The following VAV2 variants were observed in gnomAD, a reference collection of about 807,000 sequenced individuals.
VAV2 encodes vav guanine nucleotide exchange factor 2, also known as guanine nucleotide exchange factor VAV2.
A neutral mutation model predicts 132.5 loss-of-function variants in VAV2; 67 were observed. The ratio of observed to expected loss-of-function variants is 0.51; its 90% confidence interval spans 0.42 to 0.62. VAV2 has a LOEUF of 0.62. VAV2 is among the 20% of genes least tolerant of loss of function. The probability of loss-of-function intolerance (pLI) is 0.00; values close to 1 mark genes in which losing one functional copy is unlikely to be tolerated. For synonymous variants in VAV2, 492 were observed against 443.5 expected (o/e 1.11, Z -1.37); for missense variants, 938 against 1,153.6 (o/e 0.81, Z 2.71).
At chr9:133,838,436 T>C (rs1369609846) in intron 3 of VAV2, among the ~76,000 whole-genome samples, 2 of 127,686 alleles carry the variant, frequency 1.6e-5, no homozygotes, top group Non-Finnish European at 3.3e-5. Context: ...TGTGGATGGA[T>C]GAATGGATGG....
intron 2 of VAV2, among the ~76,000 whole-genome samples, chr9:133,904,563 C>T (rs1588345219): frequency 2.0e-5 from 3 of 152,390 alleles, no homozygotes; most frequent in East Asian, 1.9e-4. Context: ...CGAGCCCAAA[C>T]GTGGGCACCA....
intron 4 of VAV2, among the ~76,000 whole-genome samples, chr9:133,818,006 A>C (rs1835628603): frequency 6.6e-6 from 1 of 152,098 alleles, no homozygotes; most frequent in African/African-American, 2.4e-5. Flanking sequence ...AGACCAAGTA[A>C]AGATTTACCC....
At chr9:133,899,117 G>C (rs955208495) in intron 2 of VAV2, among the ~76,000 whole-genome samples, 1 of 150,224 alleles carries the variant, frequency 6.7e-6, no homozygotes, top group Non-Finnish European at 1.5e-5. Flanking sequence ...CACCGCGCCA[G>C]GCCCAGACCC....
intron 5 of VAV2, among the ~76,000 whole-genome samples, chr9:133,811,249 G>A (rs191410559): frequency 2.2e-4 from 34 of 152,338 alleles, no homozygotes; most frequent in Admixed American, 1.6e-3. Flanking sequence ...CCCCAGCCCT[G>A]CACCTGCCTG....
rs1285163781 is a variant in VAV2 at position 133,796,522 on chromosome 9, C to T, written c.939G>A (p.Glu313=). 2.5e-6 allele frequency: 4 copies of T among 1,613,200 alleles called. No homozygotes were observed. The highest frequency in any genetic ancestry group is 3.4e-6 in the Non-Finnish European group (4 of 1,179,726). ...TTCCATCCTGGACCTTCAGTGTGCACTCCTGGGAGGGCGACAGGGCGATGG... is the reference window on the plus strand; with the variant it reads ...TTCCATCCTGGACCTTCAGTGTGCATTCCTGGGAGGGCGACAGGGCGATGG... ...SREDFRQKVE[E]CTLKVQDGKF... is the part of the protein sequence containing the mutation. Residue 313 remains glutamate (E), a splice_region_variant and synonymous_variant, in exon 11 of 30, where the codon GAG becomes GAA. Transcript: ENST00000371850.
rs1442804303 is a variant in VAV2, at chr9:133,991,081, G to A, written c.204+994C>T. On this transcript the variant is annotated intron_variant, in intron 1 of 29. Transcript: ENST00000371850. The surrounding 1 kb of genome is among the most constrained non-coding windows in gnomAD (Gnocchi z 4.8). ...CACGTCCTAAGTCCCACTGGTGAAT[G>A]GTCCCTCTCCACATGGAGTTGCCAC... Among the ~76,000 whole-genome samples, 1 of 152,154 alleles carries A rather than the reference G, an allele frequency of 6.6e-6. No individual in the cohort carries two copies. The highest frequency in any genetic ancestry group is 1.9e-4 in the East Asian group (1 of 5,180).
intron 3 of VAV2, among the ~76,000 whole-genome samples, chr9:133,848,279 C>CAAAAAAA (rs34908811): frequency 8.2e-5 from 4 of 48,626 alleles, no homozygotes; most frequent in African/African-American, 1.9e-4. Flanking sequence ...GACTCCGTCT[C>CAAAAAAA]AAAAAAAAAA....
rs78186544 is a variant in VAV2 at position 133,909,889 on chromosome 9, T to C, written c.321+29214A>G. 7.9e-3 allele frequency among the ~76,000 whole-genome samples: 1,197 copies of C among 152,300 alleles called. 20 individuals carry two copies. Among genetic ancestry groups the C allele is most frequent in the African/African-American group, 0.027 (1,120 of 41,556 alleles). ...AAGGATGAGCCTGCCACTCACTCTC[T>C]GTCCTTCGCTTGGCTGCTCACAGGG... On this transcript the variant is annotated intron_variant, in intron 2 of 29. Transcript: ENST00000371850.
At chr9:133,900,766 G>GATTTATTTATTT (rs10538806) in intron 2 of VAV2, among the ~76,000 whole-genome samples, 13 of 145,602 alleles carry the variant, frequency 8.9e-5, no homozygotes, top group African/African-American at 2.6e-4. Context: ...CTCCTGTCTT[G>GATTTATTTATTT]ATTTATTTAT....
At position 133,863,300 on chromosome 9, in the gene VAV2, G is replaced by A. The variant is rs575211080; in HGVS notation, c.322-1868C>T. Among the ~76,000 whole-genome samples the A allele has an allele frequency of 8.5e-5, 13 of 152,318 alleles. No individual in the cohort carries two copies. The East Asian group carries it at 1.2e-3, about 14-fold the overall frequency. On this transcript the variant is annotated intron_variant, in intron 2 of 29. Transcript: ENST00000371850. This position sits in a 1 kb window ranked among gnomAD's most constrained non-coding sequence, Gnocchi z 5.0. ...GGCTGATCAATCCCTCCGAGGAGCC[G>A]GGCGCAGGCCCAGAGCCCTCCTCCG...
chr9:133,929,021 G>A (rs1359717860), intron 2 of VAV2, among the ~76,000 whole-genome samples: 2 of 152,224 alleles, frequency 1.3e-5, no homozygotes, highest in African/African-American at 4.8e-5. Flanking sequence ...ACAGGCAGCG[G>A]CACCATCTGG....
In VAV2 at chr9:133,963,145, C is replaced by T. The variant is rs189666461; in HGVS notation, c.205-23926G>A. Among the ~76,000 whole-genome samples the T allele has an allele frequency of 1.5e-3, 233 of 152,200 alleles. 1 individual carries two copies. The highest frequency in any genetic ancestry group is 5.4e-3 in the African/African-American group (224 of 41,514). On this transcript the variant is annotated intron_variant, in intron 1 of 29. Coordinates refer to ENST00000371850, the MANE Select transcript of VAV2 (RefSeq NM_001134398.2). ...TTTGCACGGAAACTGGGATGGTGCC[C>T]GGCAGAACTCGGGGTCGAAGCTACA...
chr9:133,795,790 C>A lies in VAV2; in HGVS notation c.1033-54G>T, dbSNP rs56145089. On this transcript the variant is annotated intron_variant, in intron 11 of 29. Transcript: ENST00000371850. ...TACCACTCGGGGGTTCTGGCCTCTG[C>A]CCTGGCCCCTACCTGGGGCAGGAGG... is the stretch of plus-strand genomic sequence containing the variant. 8.4e-4 allele frequency: 1,334 copies of A among 1,585,458 alleles called. 22 individuals are homozygous for A. The East Asian group carries it at 0.028, about 33-fold the overall frequency.
rs750247928 is a variant in VAV2, at chr9:133,834,300, C to G, written c.421G>C (p.Val141Leu). The G allele has an allele frequency of 1.2e-6, 2 of 1,612,474 alleles. No individual in the cohort carries two copies. Among genetic ancestry groups the G allele is most frequent in the Non-Finnish European group, 1.7e-6 (2 of 1,179,448 alleles). Residue 141 changes from valine to leucine, a missense_variant, in exon 4 of 30, where the codon GTC (valine) becomes CTC (leucine). Transcript: ENST00000371850. The surrounding 1 kb of genome is among the most constrained non-coding windows in gnomAD (Gnocchi z 5.9). ...GCCAGCTCCTCCAGGCTGCGGTAGA[C>G]GTCATCGTCATTCTCTGTGGTCTCC... ...SEETTENDDD[V>L]YRSLEELADE... is the part of the protein sequence containing the mutation.
chr9:133,902,615 G>A (rs1839487263), intron 2 of VAV2, among the ~76,000 whole-genome samples: 1 of 152,204 alleles, frequency 6.6e-6, no homozygotes, highest in African/African-American at 2.4e-5. Flanking sequence ...AAATGAGGGA[G>A]TGTTTCGGGT....
At chr9:133,843,233 A>T (rs1300090944) in intron 3 of VAV2, among the ~76,000 whole-genome samples, 1 of 152,134 alleles carries the variant, frequency 6.6e-6, no homozygotes, top group Non-Finnish European at 1.5e-5. Flanking sequence ...GGGTGCAGGG[A>T]GCACGCAGAG....
intron 2 of VAV2, among the ~76,000 whole-genome samples, chr9:133,866,118 G>A (rs971953697): frequency 6.6e-6 from 1 of 151,742 alleles, no homozygotes; most frequent in Non-Finnish European, 1.5e-5. Flanking sequence ...CCGCTGTTAG[G>A]GCCCAAGCCC....
chr9:133,890,382 G>A (rs425078), intron 2 of VAV2, among the ~76,000 whole-genome samples: 5,784 of 152,316 alleles, frequency 0.038, 145 homozygotes, highest in Non-Finnish European at 0.058. Context: ...GAGTGAGCAC[G>A]GACTGCAGCT....
At position 133,770,421 on chromosome 9, in the gene VAV2, C is replaced by T. The variant is rs748204553; in HGVS notation, c.2304G>A (p.Lys768=). 6.2e-7 allele frequency: 1 copy of T among 1,614,176 alleles called. No homozygotes were observed. Among genetic ancestry groups the T allele is most frequent in the Non-Finnish European group, 8.5e-7 (1 of 1,179,988 alleles). Residue 768 remains lysine (K), a synonymous_variant, in exon 27 of 30, where the codon AAG becomes AAA. Transcript: ENST00000371850. ...QLDTTLKYPY[K]SRERSASRAS... is the part of the protein sequence containing the mutation. Reference sequence around the variant, plus strand: ...CCCTGGAGGCCGAACGTTCCCGGGACTTGTAGGGGTACTTGAGTGTGGTGT... The same window carrying T: ...CCCTGGAGGCCGAACGTTCCCGGGATTTGTAGGGGTACTTGAGTGTGGTGT...
Sources: allele counts gnomAD v4.1 joint callset (sites outside exome capture counted in the v4.1 genomes callset), GRCh38; gene constraint gnomAD v4.1.1; non-coding constraint Gnocchi (gnomAD v3.1); transcripts MANE v1.5; gene names NCBI Gene and HGNC (gene_info 2026-07-23, HGNC 2026-07-21).